The following CCDC3 variants were observed in gnomAD, a reference collection of about 807,000 sequenced individuals.
The protein encoded by CCDC3 is coiled-coil domain-containing protein 3.
In CCDC3, 24 loss-of-function variants were observed where a neutral mutation model predicts 21.4. The observed-to-expected ratio is 1.12, with a 90% CI of 0.81 to 1.58. The LOEUF (loss-of-function observed/expected upper bound fraction) is 1.58, where lower values mean the gene tolerates loss of function less well. Ranked by LOEUF, CCDC3 falls within the 40% of genes most tolerant of loss-of-function variation. The pLI is 0.00. For synonymous variants in CCDC3, 186 were observed against 166.0 expected, an observed-to-expected ratio of 1.12 and a Z score of -0.93; for missense variants, 425 against 360.9, an observed-to-expected ratio of 1.18 and a Z score of -1.44.
At chr10:12,962,975 A>C (rs1479994927) in intron 2 of CCDC3, among the ~76,000 whole-genome samples, 1 of 152,180 alleles carries the variant, frequency 6.6e-6, no homozygotes, top group Non-Finnish European at 1.5e-5. Context: ...AAACTTACAT[A>C]CTTATATACA....
chr10:12,974,387 T>C (rs1191778676), intron 2 of CCDC3, among the ~76,000 whole-genome samples: 2 of 152,242 alleles, frequency 1.3e-5, no homozygotes, highest in Non-Finnish European at 2.9e-5. Context: ...ACTGACCTTA[T>C]CCCTGTCCTG....
At chr10:12,933,704 C>G (rs937750416) in intron 2 of CCDC3, among the ~76,000 whole-genome samples, 1 of 152,080 alleles carries the variant, frequency 6.6e-6, no homozygotes, top group South Asian at 2.1e-4. Context: ...GTGATCCGCC[C>G]GACTCGGCCT....
chr10:12,951,666 G>A (rs894783339), intron 2 of CCDC3, among the ~76,000 whole-genome samples: 1 of 151,984 alleles, frequency 6.6e-6, no homozygotes, highest in African/African-American at 2.4e-5. Flanking sequence ...TTAGCTGGGT[G>A]TGATGGCATG....
intron 4 of CCDC3, among the ~76,000 whole-genome samples, chr10:13,050,456 CTTTT>C (rs35126304): frequency 5.1e-5 from 5 of 98,556 alleles, no homozygotes; most frequent in African/African-American, 7.9e-5. Context: ...ATTATTTATT[CTTTT>C]TTTTTTTTTT....
At chr10:12,998,698 G>A (rs1835801501) in intron 1 of CCDC3, among the ~76,000 whole-genome samples, 186 bp from the exon 2 acceptor site, 1 of 152,086 alleles carries the variant, frequency 6.6e-6, no homozygotes, top group Admixed American at 6.6e-5. Flanking sequence ...TATCCTTAAG[G>A]TTTTCAAAAA....
rs563739621 is a variant in CCDC3 at position 13,033,307 on chromosome 10, G to A, written c.-2+16367C>T. Among the ~76,000 whole-genome samples, 156 of 152,262 alleles carry A rather than the reference G, an allele frequency of 1.0e-3. 1 individual carries two copies. The highest frequency in any genetic ancestry group is 6.8e-3 in the Middle Eastern group (2 of 294). ...AGCCATATGTAGAAAGCTGAAACTG[G>A]ATCCCTTCCTTATACCTTGTACTAA... On this transcript the variant is annotated intron_variant, in intron 5 of 6. Transcript: ENST00000378839.
At chr10:13,045,932 T>C (rs1767478559) in intron 5 of CCDC3, among the ~76,000 whole-genome samples, 1 of 149,996 alleles carries the variant, frequency 6.7e-6, no homozygotes, top group African/African-American at 2.5e-5. Context: ...CTAGGAAAAA[T>C]ACAAAAATTA....
chr10:13,001,171 G>A, intron 1 of CCDC3, 26 bp downstream of exon 1: 1 of 1,542,692 alleles, frequency 6.5e-7, no homozygotes, highest in Non-Finnish European at 8.8e-7. Flanking sequence ...GAGAGAGAGA[G>A]GTGGCGGCGG....
At chr10:12,922,603 CCCTTCCTCACTT>C (rs1834469289) in intron 2 of CCDC3, among the ~76,000 whole-genome samples, 1 of 152,130 alleles carries the variant, frequency 6.6e-6, no homozygotes, top group Non-Finnish European at 1.5e-5. Flanking sequence ...AACCTCCCCA[CCCTTCCTCACTT>C]CCTTCCTTCC....
chr10:12,919,803 G>C lies in CCDC3; in HGVS notation c.550-21124C>G, dbSNP rs150311487. Among the ~76,000 whole-genome samples, 700 of 152,330 alleles carry C rather than the reference G, an allele frequency of 4.6e-3. 6 individuals are homozygous for C. Among genetic ancestry groups the C allele is most frequent in the African/African-American group, 0.016 (645 of 41,574 alleles). On this transcript the variant is annotated intron_variant, in intron 2 of 2. Coordinates refer to ENST00000378825, the MANE Select transcript of CCDC3 (RefSeq NM_031455.4). Reference sequence around the variant, plus strand: ...GATGGCATGCAGCTCCCAGGGAGATGTGCTATGATTAAATCCTTGCCCTGC... The same window carrying C: ...GATGGCATGCAGCTCCCAGGGAGATCTGCTATGATTAAATCCTTGCCCTGC...
chr10:13,097,275 G>A (rs1305183459), intron 3 of CCDC3, among the ~76,000 whole-genome samples: 6 of 152,146 alleles, frequency 3.9e-5, no homozygotes, highest in Non-Finnish European at 2.9e-5. Context: ...GTCACCAAAC[G>A]GGATGATCCA....
chr10:13,056,097 A>G (rs371781846), intron 4 of CCDC3, among the ~76,000 whole-genome samples: 1 of 152,220 alleles, frequency 6.6e-6, no homozygotes, highest in African/African-American at 2.4e-5. Context: ...AAAAATTTCA[A>G]TGGCTTCACA....
intron 4 of CCDC3, among the ~76,000 whole-genome samples, chr10:13,065,925 T>G (rs1447330308): frequency 2.6e-5 from 4 of 152,192 alleles, no homozygotes; most frequent in African/African-American, 9.7e-5. Flanking sequence ...GTTGAATTAA[T>G]AAGTTCAGGA....
chr10:13,090,036 T>TAGATAGATAG (rs1188514602), intron 3 of CCDC3, among the ~76,000 whole-genome samples: 19 of 1,844 alleles, frequency 0.01, no homozygotes, highest in African/African-American at 0.011. Flanking sequence ...TTCCGTTAGA[T>TAGATAGATAG]ATATATATAT....
intron 2 of CCDC3, among the ~76,000 whole-genome samples, chr10:12,968,202 T>TACACACACACACACAC (rs71386134): frequency 0.034 from 4,839 of 143,398 alleles, 122 homozygotes; most frequent in East Asian, 0.11. Context: ...CACACACACA[T>TACACACACACACACAC]ACACACACAC....
rs377083412 is a variant in CCDC3 at position 12,968,553 on chromosome 10, C to A, written c.549+29785G>T. Among the ~76,000 whole-genome samples, 11 of 152,276 alleles carry A rather than the reference C, an allele frequency of 7.2e-5. No homozygotes were observed. The East Asian group carries it at 1.5e-3, about 21-fold the overall frequency. Reference sequence around the variant, plus strand: ...GGAAAATACATCAAAGTATAAAACTCATTTGTAAAAGTAAGTAGTCAAATT... The same window carrying A: ...GGAAAATACATCAAAGTATAAAACTAATTTGTAAAAGTAAGTAGTCAAATT... On this transcript the variant is annotated intron_variant, in intron 2 of 2. Transcript: ENST00000378825.
At chr10:12,974,126 T>C (rs1032017370) in intron 2 of CCDC3, among the ~76,000 whole-genome samples, 2 of 152,248 alleles carry the variant, frequency 1.3e-5, no homozygotes, top group East Asian at 1.9e-4. Context: ...TATGGGGTGA[T>C]GGACCCAGCA....
rs182718164 is a variant in CCDC3 at position 12,915,523 on chromosome 10, T to C, written c.550-16844A>G. On this transcript the variant is annotated intron_variant, in intron 2 of 2. Coordinates refer to ENST00000378825, the MANE Select transcript of CCDC3 (RefSeq NM_031455.4). ...AGTTACTGGTGCTTTATTTTGTTCC[T>C]TTGGTGATGTGATTTTTCCATGATT... 2.0e-5 allele frequency among the ~76,000 whole-genome samples: 3 copies of C among 152,352 alleles called. No individual in the cohort carries two copies. The East Asian group carries it at 5.8e-4, about 29-fold the overall frequency.
At chr10:13,031,469 A>G (rs1289182746) in intron 5 of CCDC3, among the ~76,000 whole-genome samples, 1 of 152,202 alleles carries the variant, frequency 6.6e-6, no homozygotes, top group Non-Finnish European at 1.5e-5. Context: ...TTCAAAAGCT[A>G]GCAGTAGGCA....
Sources: allele counts gnomAD v4.1 joint callset (sites outside exome capture counted in the v4.1 genomes callset), GRCh38; gene constraint gnomAD v4.1.1; transcripts MANE v1.5; gene names NCBI Gene and HGNC (gene_info 2026-07-23, HGNC 2026-07-21).